PLPP1: variants seen among roughly 807,000 people sequenced by gnomAD.
PLPP1 encodes lipid phosphate phosphohydrolase 1a.
In PLPP1, 24 loss-of-function variants were observed where a neutral mutation model predicts 31.2. The ratio of observed to expected loss-of-function variants is 0.77; its 90% confidence interval spans 0.56 to 1.08. PLPP1 has a LOEUF of 1.08. PLPP1 is among the 50% of genes least tolerant of loss of function. The pLI is 0.00. For missense variants in PLPP1, 319 were observed against 342.7 expected, an observed-to-expected ratio of 0.93 and a Z score of 0.55; for synonymous variants, 146 against 126.3, an observed-to-expected ratio of 1.16 and a Z score of -1.05.
At chr5:55,501,423 A>T (rs1416372940) in intron 1 of PLPP1, among the ~76,000 whole-genome samples, 1 of 152,216 alleles carries the variant, frequency 6.6e-6, no homozygotes, top group Non-Finnish European at 1.5e-5. Flanking sequence ...ACAGCAAAAT[A>T]ATTACTTTTG....
rs150286437 is a variant in PLPP1, at chr5:55,497,291, G to T, written c.59-21841C>A. On this transcript the variant is annotated intron_variant, in intron 1 of 5. Transcript: ENST00000307259. The stretch of plus-strand genomic sequence containing the variant: ...GACTGGGTCTTACTCTGTCACCTAG[G>T]GTGGAGTCCAGTGGTAGGATCATAG... 1.8e-3 allele frequency among the ~76,000 whole-genome samples: 268 copies of T among 152,204 alleles called. 4 individuals carry two copies. Among genetic ancestry groups the T allele is most frequent in the African/African-American group, 6.2e-3 (258 of 41,536 alleles).
chr5:55,511,648 GAGT>G (rs1753411849), intron 1 of PLPP1, among the ~76,000 whole-genome samples: 1 of 102,622 alleles, frequency 9.7e-6, no homozygotes, highest in African/African-American at 3.8e-5. Flanking sequence ...AACACGTGTT[GAGT>G]TTTTTTTTTT....
intron 1 of PLPP1, among the ~76,000 whole-genome samples, chr5:55,518,139 C>A (rs1275625258): frequency 6.6e-6 from 1 of 152,158 alleles, no homozygotes; most frequent in Admixed American, 6.5e-5. Flanking sequence ...AGCCCTAAGA[C>A]TGCATTATAA....
chr5:55,435,839 CAGTT>C (rs1281876922), intron 4 of PLPP1, among the ~76,000 whole-genome samples: 1 of 152,072 alleles, frequency 6.6e-6, no homozygotes, highest in Non-Finnish European at 1.5e-5. Context: ...AAGGAAACCA[CAGTT>C]AGGCTATTTC....
At chr5:55,437,593 T>C (rs1485219596) in intron 4 of PLPP1, among the ~76,000 whole-genome samples, 1 of 152,062 alleles carries the variant, frequency 6.6e-6, no homozygotes, top group African/African-American at 2.4e-5. Flanking sequence ...GAAATATACC[T>C]TGGTCTACTT....
chr5:55,511,376 T>C (rs933775041), intron 1 of PLPP1, among the ~76,000 whole-genome samples: 8 of 152,116 alleles, frequency 5.3e-5, no homozygotes, highest in African/African-American at 1.9e-4. Flanking sequence ...TTCTACCAAA[T>C]ACATACAGTG....
chr5:55,475,180 A>T, intron 2 of PLPP1, 119 bp downstream of exon 2: 1 of 895,836 alleles, frequency 1.1e-6, no homozygotes, highest in Non-Finnish European at 1.6e-6. Flanking sequence ...AGCATCAATT[A>T]AAGGTTTAAA....
chr5:55,531,092 T>TA (rs1421468669), intron 1 of PLPP1, among the ~76,000 whole-genome samples: 3 of 152,202 alleles, frequency 2.0e-5, no homozygotes, highest in Non-Finnish European at 4.4e-5. Flanking sequence ...GAACCAGTCA[T>TA]AAAAAGAGCC....
chr5:55,443,212 T>TATATATATATATATACAC (rs1169152710), intron 3 of PLPP1, among the ~76,000 whole-genome samples: 3 of 104,998 alleles, frequency 2.9e-5, no homozygotes, highest in African/African-American at 3.9e-5. Flanking sequence ...TATATATATA[T>TATATATATATATATACAC]ACACACACAC....
chr5:55,440,109 G>A (rs1751588914), intron 4 of PLPP1, among the ~76,000 whole-genome samples: 1 of 152,188 alleles, frequency 6.6e-6, no homozygotes, highest in African/African-American at 2.4e-5. Context: ...AATAAAAGTA[G>A]TGTAAAATGC....
intron 3 of PLPP1, among the ~76,000 whole-genome samples, chr5:55,445,831 C>T (rs1221824476): frequency 3.3e-5 from 5 of 152,186 alleles, no homozygotes; most frequent in Non-Finnish European, 4.4e-5. Context: ...AGACATGAGC[C>T]ACTGTGCCCA....
At chr5:55,435,288 G>A (rs556685995) in intron 4 of PLPP1, among the ~76,000 whole-genome samples, 44 of 152,304 alleles carry the variant, frequency 2.9e-4, no homozygotes, top group African/African-American at 9.1e-4. Context: ...ACTGCTGCTC[G>A]GAATATAAAT....
intron 2 of PLPP1, among the ~76,000 whole-genome samples, chr5:55,471,578 T>C (rs908021862): frequency 1.3e-5 from 2 of 152,158 alleles, no homozygotes; most frequent in Non-Finnish European, 2.9e-5. Flanking sequence ...TTCCTCCTCA[T>C]TGAAATTATC....
intron 1 of PLPP1, chr5:55,491,041 G>A (rs747252487): frequency 5.6e-6 from 9 of 1,613,450 alleles, no homozygotes; most frequent in South Asian, 3.3e-5. Context: ...AGTTGATGCT[G>A]TTGTCTTTAC....
intron 3 of PLPP1, among the ~76,000 whole-genome samples, chr5:55,453,054 A>T (rs145385616): frequency 1.5e-3 from 226 of 152,282 alleles, no homozygotes; most frequent in African/African-American, 5.2e-3. Context: ...CTAAAGTAGA[A>T]TCTAAACTAT....
At chr5:55,487,523 G>T (rs1389337136) in intron 1 of PLPP1, among the ~76,000 whole-genome samples, 1 of 151,316 alleles carries the variant, frequency 6.6e-6, no homozygotes, top group Admixed American at 6.6e-5. Flanking sequence ...AGAAGAAACA[G>T]TAAATAATAT....
intron 1 of PLPP1, among the ~76,000 whole-genome samples, chr5:55,483,308 A>G (rs1752708153): frequency 6.6e-6 from 1 of 152,240 alleles, no homozygotes; most frequent in Non-Finnish European, 1.5e-5. Context: ...GCTTAATGGT[A>G]TACAAAAGCT....
intron 1 of PLPP1, among the ~76,000 whole-genome samples, chr5:55,491,860 G>GAAAAA (rs35303375): frequency 2.0e-5 from 2 of 102,256 alleles, no homozygotes; most frequent in Non-Finnish European, 3.7e-5. Flanking sequence ...TCAATCTCAG[G>GAAAAA]AAAAAAAAAA....
Position 55,461,187 on chromosome 5 carries a change from C to A in PLPP1, c.491+6682G>T, listed in dbSNP as rs975781849. Among the ~76,000 whole-genome samples, 5 of 151,946 alleles carry A rather than the reference C, an allele frequency of 3.3e-5. No individual in the cohort carries two copies. In the South Asian group the frequency reaches 8.3e-4, roughly 25 times the overall value. On this transcript the variant is annotated intron_variant, in intron 3 of 5. Coordinates refer to ENST00000307259, the MANE Select transcript of PLPP1 (RefSeq NM_003711.4). ...TCCAGCCTAGGTAACAAAGTGAGAC[C>A]CTGTCTCAGTTTTAAAAAATTAAAT...
Sources: gnomAD v4.1 joint callset for allele counts (sites outside exome capture counted in the v4.1 genomes callset) on GRCh38, gnomAD v4.1.1 for gene constraint, MANE v1.5 for transcripts, NCBI Gene and HGNC (gene_info 2026-07-23, HGNC 2026-07-21) for gene names.